The following TPR variants were observed in gnomAD, a reference collection of about 807,000 sequenced individuals.
TPR encodes nucleoprotein TPR.
A neutral mutation model predicts 316.1 loss-of-function variants in TPR; 51 were observed. The observed-to-expected ratio is 0.16, with a 90% confidence interval of 0.13 to 0.20. TPR has a LOEUF of 0.20. Ranked by LOEUF, TPR falls within the 10% of genes least tolerant of loss-of-function variation. TPR has a pLI of 1.00. For synonymous variants in TPR, 981 were observed against 914.7 expected, an observed-to-expected ratio of 1.07 and a Z score of -1.31; for missense variants, 2,272 against 2,754.8, an observed-to-expected ratio of 0.82 and a Z score of 3.92.
intron 4 of TPR, among the ~76,000 whole-genome samples, chr1:186,365,053 A>G (rs1035083935): frequency 1.3e-5 from 2 of 150,742 alleles, no homozygotes; most frequent in Non-Finnish European, 2.9e-5. Flanking sequence ...GGTTCCACTC[A>G]TGCTTTGTCC....
At position 186,334,490 on chromosome 1, in the gene TPR, G is replaced by C. The variant is rs1658279273; in HGVS notation, c.5017C>G (p.Pro1673Ala). The C allele has an allele frequency of 6.2e-7, 1 of 1,613,682 alleles. No individual in the cohort carries two copies. The highest frequency in any genetic ancestry group is 8.5e-7 in the Non-Finnish European group (1 of 1,179,704). The change falls in exon 36 of 51, where the codon CCT becomes GCT. Residue 1673 changes from proline (P) to alanine (A), a missense_variant. By Grantham distance (27) the Pro-to-Ala change is conservative. Coordinates refer to ENST00000367478, the MANE Select transcript of TPR (RefSeq NM_003292.3). ...DPPTANIKPT[P>A]VVSTPSKVTA... is the part of the protein sequence containing the mutation. ...ACTTTACTTGGAGTAGACACAACAG[G>C]AGTTGGCTTGATATTGGCTGTTGGT...
At chr1:186,339,587 A>G in intron 30 of TPR, 55 bp downstream of exon 30, 1 of 1,365,518 alleles carries the variant, frequency 7.3e-7, no homozygotes, top group Non-Finnish European at 9.5e-7. Context: ...TCATGTAAAT[A>G]AGTAAAATAA....
intron 31 of TPR, among the ~76,000 whole-genome samples, chr1:186,337,459 T>C (rs1278018348): frequency 6.6e-6 from 1 of 152,090 alleles, no homozygotes; most frequent in African/African-American, 2.4e-5. Context: ...TATAAGCATA[T>C]AATATTATTT....
chr1:186,325,943 CAA>C, intron 41 of TPR, 89 bp from the exon 42 acceptor site: 3 of 1,558,382 alleles, frequency 1.9e-6, no homozygotes, highest in Non-Finnish European at 1.7e-6. Flanking sequence ...CAAACCACAA[CAA>C]AAACAAATAA....
In TPR at chr1:186,336,994, A is replaced by T. The variant is rs1658357917; in HGVS notation, c.4506+19T>A. ...TATAACAGGAAAGAATTAGGAACAG[A>T]CTGTTCTCACACTCATACCTTCTGC... On this transcript the variant is annotated intron_variant, in intron 32 of 50. Transcript: ENST00000367478. 1 of 1,613,240 alleles carries T rather than the reference A, an allele frequency of 6.2e-7. No homozygotes were observed. The highest frequency in any genetic ancestry group is 1.3e-5 in the African/African-American group (1 of 74,872).
intron 49 of TPR, among the ~76,000 whole-genome samples, chr1:186,315,025 G>A (rs1657555774): frequency 6.6e-6 from 1 of 151,788 alleles, no homozygotes; most frequent in South Asian, 2.1e-4. Flanking sequence ...ACAATTAGCT[G>A]GGCATGGTGG....
chr1:186,343,915 T>C lies in TPR; in HGVS notation c.3593A>G (p.Glu1198Gly). The C allele has an allele frequency of 6.2e-7, 1 of 1,612,984 alleles. No homozygotes were observed. Among genetic ancestry groups the C allele is most frequent in the Non-Finnish European group, 8.5e-7 (1 of 1,179,482 alleles). The change falls in exon 26 of 51, where the codon GAA becomes GGA. Residue 1198 changes from glutamate to glycine, a missense_variant. This residue lies in a region of TPR where 757 missense variants were observed against 859.8 expected (regional missense o/e 0.88). Transcript: ENST00000367478. ...TAAGAACATGATTTACCTGAGAATT[T>C]CCAAAATTTGTTCTTGAGATTTTCC... is the stretch of plus-strand genomic sequence containing the variant. Reference protein sequence around the residue: ...EEGKSQEQILEILRFIRREKE... With the variant: ...EEGKSQEQILGILRFIRREKE...
At chr1:186,324,033 C>A (rs1657845452) in intron 42 of TPR, among the ~76,000 whole-genome samples, 163 bp from the exon 43 acceptor site, 1 of 152,030 alleles carries the variant, frequency 6.6e-6, no homozygotes, top group African/African-American at 2.4e-5. Context: ...GTTTTACACC[C>A]AGAGACAATG....
chr1:186,318,852 T>C lies in TPR; in HGVS notation c.6569-24A>G, dbSNP rs375474864. On this transcript the variant is annotated intron_variant, in intron 46 of 50. Coordinates refer to ENST00000367478, the MANE Select transcript of TPR (RefSeq NM_003292.3). ...ACCTAAAGACAATTCTGAATATTAA[T>C]GAATGACTGAAAAAAACATAAAATT... is the stretch of plus-strand genomic sequence containing the variant. 4.4e-5 allele frequency: 70 copies of C among 1,600,634 alleles called. No individual in the cohort carries two copies. The African/African-American group carries it at 8.5e-4, about 19-fold the overall frequency.
chr1:186,343,278 C>A, intron 27 of TPR, 48 bp downstream of exon 27: 1 of 1,573,252 alleles, frequency 6.4e-7, no homozygotes, highest in Non-Finnish European at 8.6e-7. Context: ...TAAATGAGTG[C>A]TTCTCTTTTG....
chr1:186,370,876 CT>C lies in TPR; in HGVS notation c.330+93del. 3 of 1,054,888 alleles carry C rather than the reference CT, an allele frequency of 2.8e-6. No individual in the cohort carries two copies. In the East Asian group the frequency reaches 7.3e-5, roughly 26 times the overall value. The allele number at this position is 1,054,888 out of a possible 1,614,324, so 65.3% of individuals were successfully genotyped here. ...TCCCCTAATAGGACATCAGTTACAT[CT>C]TCCCATTGACTAATAACTGATAAAC... On this transcript the variant is annotated intron_variant, in intron 3 of 50. Coordinates refer to ENST00000367478, the MANE Select transcript of TPR (RefSeq NM_003292.3).
intron 36 of TPR, among the ~76,000 whole-genome samples, chr1:186,333,634 A>G (rs1331031558): frequency 6.6e-6 from 1 of 152,194 alleles, no homozygotes; most frequent in East Asian, 1.9e-4. Flanking sequence ...GCATCTATTC[A>G]TTTAAATTAC....
chr1:186,318,580 T>C lies in TPR; in HGVS notation c.6688A>G (p.Thr2230Ala), dbSNP rs1229471702. 6.2e-7 allele frequency: 1 copy of C among 1,612,160 alleles called. No individual in the cohort carries two copies. The highest frequency in any genetic ancestry group is 1.7e-5 in the Admixed American group (1 of 59,548). Residue 2230 changes from threonine (T) to alanine (A), a missense_variant, in exon 48 of 51, where the codon ACC becomes GCC. Thr to Ala is a moderately conservative substitution (Grantham distance 58). Coordinates refer to ENST00000367478, the MANE Select transcript of TPR (RefSeq NM_003292.3). ...APVTVFTESTTSDASEHASQS... is the reference protein window; with the variant it reads ...APVTVFTESTASDASEHASQS... Reference sequence around the variant, plus strand: ...GAGGCATGTTCCGAAGCATCAGAGGTGGTGCTCTCAGTAAATACAGTCACT... The same window carrying C: ...GAGGCATGTTCCGAAGCATCAGAGGCGGTGCTCTCAGTAAATACAGTCACT...
chr1:186,372,312 C>T (rs1028978865), intron 2 of TPR, among the ~76,000 whole-genome samples: 7 of 152,128 alleles, frequency 4.6e-5, no homozygotes, highest in Non-Finnish European at 8.8e-5. Flanking sequence ...GACGCCGAGG[C>T]GGGAGAATCG....
At chr1:186,329,636 T>C (rs955146299) in intron 39 of TPR, among the ~76,000 whole-genome samples, 14 of 152,146 alleles carry the variant, frequency 9.2e-5, no homozygotes, top group African/African-American at 2.7e-4. Flanking sequence ...GCTTGCAATG[T>C]TGGCACCTAA....
chr1:186,366,451 T>C (rs1659345735), intron 4 of TPR, among the ~76,000 whole-genome samples: 1 of 152,214 alleles, frequency 6.6e-6, no homozygotes, highest in Non-Finnish European at 1.5e-5. Context: ...ATGTTATTGG[T>C]AGGGCTTCTA....
Position 186,371,017 on chromosome 1 carries a change from T to C in TPR, c.283A>G (p.Lys95Glu), listed in dbSNP as rs763570889. 1 of 1,612,952 alleles carries C rather than the reference T, an allele frequency of 6.2e-7. No homozygotes were observed. Among genetic ancestry groups the C allele is most frequent in the African/African-American group, 1.3e-5 (1 of 74,920 alleles). Residue 95 changes from lysine (K) to glutamate (E), a missense_variant, in exon 3 of 51, where the codon AAA becomes GAA. Lys to Glu is a moderately conservative substitution (Grantham distance 56). Around this residue, in one of 10 missense-constraint regions of TPR, gnomAD observed 549 missense variants for 598.6 expected, o/e 0.92. Coordinates refer to ENST00000367478, the MANE Select transcript of TPR (RefSeq NM_003292.3). ...TGAGCAATTTCAAGTTCTTTGTTTT[T>C]CTCAGTTAGTGCCTTCAGTTGATTG... ...LNNQLKALTE[K>E]NKELEIAQDR...
In TPR at chr1:186,375,019, C is replaced by T; in HGVS notation, c.10G>A (p.Val4Met). The T allele has an allele frequency of 1.2e-6, 2 of 1,614,042 alleles. No individual in the cohort carries two copies. Among genetic ancestry groups the T allele is most frequent in the Non-Finnish European group, 1.7e-6 (2 of 1,180,032 alleles). Residue 4 changes from valine (V) to methionine (M), a missense_variant, in exon 1 of 51, where the codon GTG becomes ATG. Around this residue, in one of 10 missense-constraint regions of TPR, gnomAD observed 549 missense variants for 598.6 expected, o/e 0.92. Transcript: ENST00000367478. ...GTGCGCTCCAGGACTTGCTGCAACA[C>T]CGCCGCCATGTCGGTGGGGCCAGGG... is the stretch of plus-strand genomic sequence containing the variant. MAAVLQQVLERTEL... is the reference protein window; with the variant it reads MAAMLQQVLERTEL...
intron 40 of TPR, among the ~76,000 whole-genome samples, chr1:186,327,053 C>A (rs1274985476): frequency 6.3e-4 from 6 of 9,478 alleles, no homozygotes; most frequent in South Asian, 2.4e-3. Context: ...AAATATATAA[C>A]ATATATATTA....
Sources: gnomAD v4.1 joint callset for allele counts (sites outside exome capture counted in the v4.1 genomes callset) on GRCh38, gnomAD v4.1.1 for gene constraint, gnomAD v4.1.1 regional missense constraint, MANE v1.5 for transcripts, NCBI Gene and HGNC (gene_info 2026-07-23, HGNC 2026-07-21) for gene names.